Variants in FAM240B observed in about 807,000 individuals in gnomAD.
FAM240B encodes the protein protein FAM240B.
At chr9:38,717,774 T>C (rs556051400) in intron 1 of FAM240B, among the ~76,000 whole-genome samples, 3 of 152,120 alleles carry the variant, frequency 2.0e-5, no homozygotes, top group Non-Finnish European at 4.4e-5. Context: ...GAGCCACTGC[T>C]CCCGGCCAAG....
intron 2 of FAM240B, among the ~76,000 whole-genome samples, chr9:38,698,117 G>A (rs1821087363): frequency 1.3e-5 from 2 of 152,248 alleles, no homozygotes; most frequent in Middle Eastern, 3.4e-3. Flanking sequence ...TTACTGACTG[G>A]TTCCTTTTAT....
At chr9:38,713,010 A>G (rs1306049835) in intron 1 of FAM240B, among the ~76,000 whole-genome samples, 3 of 152,190 alleles carry the variant, frequency 2.0e-5, no homozygotes, top group African/African-American at 4.8e-5. Context: ...ATGCTCTGCA[A>G]GGGTCTCGCT....
intron 1 of FAM240B, among the ~76,000 whole-genome samples, chr9:38,706,684 G>A (rs887932957): frequency 4.6e-5 from 7 of 152,082 alleles, no homozygotes; most frequent in African/African-American, 1.7e-4. Context: ...CTGGAGCTGC[G>A]CCGTGGAGCC....
intron 1 of FAM240B, among the ~76,000 whole-genome samples, chr9:38,716,192 C>T (rs909661647): frequency 6.6e-6 from 1 of 152,178 alleles, no homozygotes; most frequent in African/African-American, 2.4e-5. Flanking sequence ...GTGCCCTTGG[C>T]CCGGTGCGGT....
At chr9:38,710,475 T>A (rs528384115) in intron 1 of FAM240B, among the ~76,000 whole-genome samples, 1 of 152,368 alleles carries the variant, frequency 6.6e-6, no homozygotes, top group South Asian at 2.1e-4. Context: ...AGGAATATTA[T>A]CTGCTTCTGA....
chr9:38,712,957 A>G lies in FAM240B; in HGVS notation c.-4+7065T>C, dbSNP rs77681546. On this transcript the variant is annotated intron_variant, in intron 1 of 2. Coordinates refer to ENST00000637493, the MANE Select transcript of FAM240B (RefSeq NM_001394922.1). ...AAGTTCGTGTGCCCTAGAAAAATAA[A>G]GACTAGTTAGCATCTGTCATCATAG... 7.2e-3 allele frequency among the ~76,000 whole-genome samples: 1,094 copies of G among 152,288 alleles called. 18 individuals are homozygous for G. The highest frequency in any genetic ancestry group is 0.025 in the African/African-American group (1,050 of 41,548).
intron 1 of FAM240B, among the ~76,000 whole-genome samples, chr9:38,718,393 ACTT>A (rs1229151825): frequency 6.6e-6 from 1 of 152,204 alleles, no homozygotes; most frequent in African/African-American, 2.4e-5. Flanking sequence ...ACTTAGCAGA[ACTT>A]CTTCTGTAGA....
chr9:38,703,777 T>A, intron 2 of FAM240B, 80 bp downstream of exon 2: 1 of 398,240 alleles, frequency 2.5e-6, no homozygotes, highest in Non-Finnish European at 4.4e-6. Context: ...CCAAAGAGAA[T>A]TCCCTACCTG....
At chr9:38,700,828 T>C (rs1366660150) in intron 2 of FAM240B, among the ~76,000 whole-genome samples, 3 of 152,250 alleles carry the variant, frequency 2.0e-5, no homozygotes, top group Non-Finnish European at 4.4e-5. Context: ...CCCTGGGACC[T>C]CTGCCAGATA....
At chr9:38,700,917 T>C (rs1821118595) in intron 2 of FAM240B, among the ~76,000 whole-genome samples, 1 of 152,166 alleles carries the variant, frequency 6.6e-6, no homozygotes, top group Admixed American at 6.5e-5. Flanking sequence ...CACAGGTGTG[T>C]GCTTAACACA....
At chr9:38,717,492 GT>G (rs1368125701) in intron 1 of FAM240B, among the ~76,000 whole-genome samples, 1 of 152,086 alleles carries the variant, frequency 6.6e-6, no homozygotes, top group East Asian at 1.9e-4. Context: ...TTGTTTGTTT[GT>G]TTTTTGAGAA....
intron 1 of FAM240B, 87 bp from the exon 2 acceptor site, chr9:38,704,089 A>G (rs1406134421): frequency 2.5e-6 from 1 of 394,810 alleles, no homozygotes; most frequent in African/African-American, 2.1e-5. Context: ...TTGCATGTAG[A>G]CACTGCCATT....
intron 1 of FAM240B, among the ~76,000 whole-genome samples, chr9:38,711,175 G>T (rs971331757): frequency 6.6e-6 from 1 of 152,170 alleles, no homozygotes; most frequent in Non-Finnish European, 1.5e-5. Flanking sequence ...CGCACTTTCT[G>T]TCGAAGTGCT....
intron 2 of FAM240B, among the ~76,000 whole-genome samples, chr9:38,697,333 G>A (rs1214402269): frequency 3.3e-5 from 5 of 152,152 alleles, no homozygotes; most frequent in Non-Finnish European, 7.3e-5. Context: ...ATGCAGGCCC[G>A]TCCCAGCAAA....
At chr9:38,706,904 G>T (rs1047962526) in intron 1 of FAM240B, among the ~76,000 whole-genome samples, 8 of 152,206 alleles carry the variant, frequency 5.3e-5, no homozygotes, top group Admixed American at 2.0e-4. Context: ...TAGAACCAGG[G>T]TGTGGAATGC....
At chr9:38,710,089 C>A (rs916734637) in intron 1 of FAM240B, among the ~76,000 whole-genome samples, 2 of 152,130 alleles carry the variant, frequency 1.3e-5, no homozygotes, top group Admixed American at 6.5e-5. Flanking sequence ...CCTGCCTTAG[C>A]CTGCTGAGTA....
intron 2 of FAM240B, among the ~76,000 whole-genome samples, chr9:38,699,816 G>A (rs1303235694): frequency 2.0e-5 from 3 of 152,242 alleles, no homozygotes; most frequent in Non-Finnish European, 4.4e-5. Flanking sequence ...AATACTCCCT[G>A]TCCTCAAGGA....
At chr9:38,717,227 A>G (rs558868207) in intron 1 of FAM240B, among the ~76,000 whole-genome samples, 2 of 152,262 alleles carry the variant, frequency 1.3e-5, no homozygotes, top group Non-Finnish European at 2.9e-5. Context: ...ATGCTCATGG[A>G]AATTACTGCA....
intron 1 of FAM240B, among the ~76,000 whole-genome samples, chr9:38,714,273 AT>A (rs1256399574): frequency 1.2e-4 from 18 of 152,246 alleles, no homozygotes; most frequent in Admixed American, 1.3e-4. Flanking sequence ...GAAAATCACC[AT>A]GAGAACACCA....
Sources: allele counts gnomAD v4.1 joint callset (sites outside exome capture counted in the v4.1 genomes callset), GRCh38; gene constraint gnomAD v4.1.1; transcripts MANE v1.5; gene names NCBI Gene and HGNC (gene_info 2026-07-23, HGNC 2026-07-21).